RAPGEF3: variants seen among roughly 807,000 people sequenced by gnomAD.
RAPGEF3 encodes the protein 9330170P05Rik.
A neutral mutation model predicts 129.8 loss-of-function variants in RAPGEF3; 103 were observed. The ratio of observed to expected loss-of-function variants is 0.79; its 90% CI spans 0.68 to 0.93. The LOEUF (loss-of-function observed/expected upper bound fraction) is 0.93. Among genes scored for constraint, RAPGEF3 ranks in the 40% least tolerant of loss-of-function variants. The probability of loss-of-function intolerance (pLI) is 0.00; values close to 1 mark genes in which losing one functional copy is unlikely to be tolerated. For missense variants in RAPGEF3, 1,117 were observed against 1,207.4 expected (o/e 0.93, Z 1.11); for synonymous variants, 436 against 482.6 (o/e 0.90, Z 1.26).
chr12:47,749,704 A>G lies in RAPGEF3; in HGVS notation c.894+37T>C. 6.2e-7 allele frequency: 1 copy of G among 1,611,936 alleles called. No individual in the cohort carries two copies. The highest frequency in any genetic ancestry group is 8.5e-7 in the Non-Finnish European group (1 of 1,178,302). On this transcript the variant is annotated intron_variant, in intron 9 of 27. Coordinates refer to ENST00000449771, the MANE Select transcript of RAPGEF3 (RefSeq NM_001098531.4). The surrounding 1 kb of genome is among the most constrained non-coding windows in gnomAD (Gnocchi z 4.5). ...GGACATGGACCAGGGAGCAGTTAGG[A>G]CCCAGGGCACTGGGGTGGGGAGGAG... is the stretch of plus-strand genomic sequence containing the variant.
rs772626576 is a variant in RAPGEF3 at position 47,744,050 on chromosome 12, A to C, written c.1615T>G (p.Trp539Gly). 6.2e-7 allele frequency: 1 copy of C among 1,608,878 alleles called. No homozygotes were observed. Among genetic ancestry groups the C allele is most frequent in the East Asian group, 2.2e-5 (1 of 44,834 alleles). ...AGGGGCTCGTCCTGGTTGGGGAGCCAAACAGGCAAGTTCCGGGCCTGGGAG... is the reference window on the plus strand; with the variant it reads ...AGGGGCTCGTCCTGGTTGGGGAGCCCAACAGGCAAGTTCCGGGCCTGGGAG... Reference protein sequence around the residue: ...PQMKARNLPVWLPNQDEPLPG... With the variant: ...PQMKARNLPVGLPNQDEPLPG... Residue 539 changes from tryptophan (W) to glycine (G), a missense_variant, in exon 17 of 28, where the codon TGG becomes GGG. By Grantham distance (184) the Trp-to-Gly change is radical. Transcript: ENST00000449771.
chr12:47,738,393 T>C (rs11168216), intron 25 of RAPGEF3, 146 bp from the exon 26 acceptor site: 314,514 of 1,107,920 alleles, frequency 0.28, 46,588 homozygotes, highest in Middle Eastern at 0.32. Flanking sequence ...GTACTTCGCC[T>C]CAGCACACCC....
At chr12:47,739,495 C>T in intron 23 of RAPGEF3, 1 of 663,752 alleles carries the variant, frequency 1.5e-6, no homozygotes. Context: ...CTCTCTGTCC[C>T]TTTCTATCCC....
intron 11 of RAPGEF3, 130 bp from the exon 12 acceptor site, chr12:47,748,672 G>A: frequency 9.7e-7 from 1 of 1,032,726 alleles, no homozygotes; most frequent in Admixed American, 1.9e-5. Context: ...GCAGGGAGGA[G>A]ACTGGCTCAG....
chr12:47,753,630 G>A (rs1377643092), intron 2 of RAPGEF3, among the ~76,000 whole-genome samples: 1 of 152,272 alleles, frequency 6.6e-6, no homozygotes, highest in African/African-American at 2.4e-5. Context: ...CAGGAAATGA[G>A]AAGGAGGAGG....
Position 47,738,239 on chromosome 12 carries a change from C to T in RAPGEF3, c.2535G>A (p.Met845Ile), listed in dbSNP as rs1004952252. 6.2e-7 allele frequency: 1 copy of T among 1,613,416 alleles called. No individual in the cohort carries two copies. Among genetic ancestry groups the T allele is most frequent in the Non-Finnish European group, 8.5e-7 (1 of 1,180,002 alleles). Residue 845 changes from methionine to isoleucine, a missense_variant, in exon 26 of 28, where the codon ATG (methionine) becomes ATA (isoleucine). By Grantham distance (10) the Met-to-Ile change is conservative (BLOSUM62 1). Around this residue, in one of 3 missense-constraint regions of RAPGEF3, gnomAD observed 643 missense variants for 673.4 expected, o/e 0.95. Coordinates refer to ENST00000449771, the MANE Select transcript of RAPGEF3 (RefSeq NM_001098531.4). ...NLINFEKMRM[M>I]ARAARMLHHC... is the part of the protein sequence containing the mutation. ...GGTGCAGCATCCGCGCGGCTCTGGC[C>T]ATCATTCTCTGCGGACAACACCGGG...
chr12:47,737,357 C>G lies in RAPGEF3; in HGVS notation c.*210G>C, dbSNP rs998237422. On this transcript the variant is annotated 3_prime_UTR_variant, in exon 28 of 28. Coordinates refer to ENST00000449771, the MANE Select transcript of RAPGEF3 (RefSeq NM_001098531.4). ...CTCCCTTCCTTGGCCTTGGGTCATT[C>G]GTTATTCCTGGCTCGGGTCCACTCC... The G allele has an allele frequency of 6.4e-5, 37 of 578,612 alleles. No homozygotes were observed. The highest frequency in any genetic ancestry group is 9.2e-6 in the Non-Finnish European group (3 of 324,846). 35.8% of individuals were successfully genotyped at this position (578,612 alleles called of 1,614,324 possible).
chr12:47,748,214 G>T, intron 12 of RAPGEF3, 62 bp from the exon 13 acceptor site: 1 of 1,344,056 alleles, frequency 7.4e-7, no homozygotes. Flanking sequence ...GAGCACAGGT[G>T]TATGGACAGC....
Position 47,738,489 on chromosome 12 carries a change from G to A in RAPGEF3, c.2526+201C>T, listed in dbSNP as rs138983555. Reference sequence around the variant, plus strand: ...AGAGAAGAGGGCTGGAAGGGCTCTCGTTGAATGGTGAGACGTCTGAGGCTG... The same window carrying A: ...AGAGAAGAGGGCTGGAAGGGCTCTCATTGAATGGTGAGACGTCTGAGGCTG... On this transcript the variant is annotated intron_variant, in intron 25 of 27. Coordinates refer to ENST00000449771, the MANE Select transcript of RAPGEF3 (RefSeq NM_001098531.4). Among the ~76,000 whole-genome samples the A allele has an allele frequency of 7.4e-4, 113 of 152,310 alleles. 1 individual carries two copies. Among genetic ancestry groups the A allele is most frequent in the East Asian group, 3.5e-3 (18 of 5,188 alleles).
intron 13 of RAPGEF3, 88 bp downstream of exon 13, chr12:47,747,986 C>T: frequency 1.9e-6 from 3 of 1,564,614 alleles, no homozygotes; most frequent in Non-Finnish European, 2.6e-6. Context: ...TTAAAGGGCT[C>T]AGCACAGCCA....
In RAPGEF3 at chr12:47,744,297, G is replaced by A. The variant is rs143943226; in HGVS notation, c.1597-229C>T. The A allele has an allele frequency of 2.9e-4, 163 of 559,026 alleles. 1 individual carries two copies. In the East Asian group the frequency reaches 3.2e-3, roughly 11 times the overall value. 34.6% of individuals were successfully genotyped at this position (559,026 alleles called of 1,614,324 possible). Reference sequence around the variant, plus strand: ...GGGCGGGGCAAATCCATGCCCCTCCGTGTGTGTGTGCTTCTGCATCTGCCA... The same window carrying A: ...GGGCGGGGCAAATCCATGCCCCTCCATGTGTGTGTGCTTCTGCATCTGCCA... On this transcript the variant is annotated intron_variant, in intron 16 of 27. Coordinates refer to ENST00000449771, the MANE Select transcript of RAPGEF3 (RefSeq NM_001098531.4).
In RAPGEF3 at chr12:47,749,448, C is replaced by T. The variant is rs1328917954; in HGVS notation, c.983G>A (p.Arg328Gln). The T allele has an allele frequency of 1.9e-6, 3 of 1,613,372 alleles. No individual in the cohort carries two copies. Among genetic ancestry groups the T allele is most frequent in the East Asian group, 2.2e-5 (1 of 44,888 alleles). ...ACGCAGGAAATGACAGTTGTCTTCT[C>T]GCAGGATGATGGTGGCTGCCCGGGG... The part of the protein sequence containing the change: ...DAPRAATIIL[R>Q]EDNCHFLRVD... The change falls in exon 10 of 28, where the codon CGA becomes CAA. Residue 328 changes from arginine to glutamine, a missense_variant. Arg to Gln is a conservative substitution (Grantham distance 43). Coordinates refer to ENST00000449771, the MANE Select transcript of RAPGEF3 (RefSeq NM_001098531.4). This position sits in a 1 kb window ranked among gnomAD's most constrained non-coding sequence, Gnocchi z 4.5.
At chr12:47,744,276 G>A (rs1035956552) in intron 16 of RAPGEF3, 35 of 586,342 alleles carry the variant, frequency 6.0e-5, no homozygotes, top group African/African-American at 5.4e-4. Flanking sequence ...GTCTAAGGGC[G>A]GGGCAAATCC....
At chr12:47,739,357 GC>G in intron 23 of RAPGEF3, 127 bp from the exon 24 acceptor site, 1 of 766,070 alleles carries the variant, frequency 1.3e-6, no homozygotes, top group Non-Finnish European at 2.3e-6. Flanking sequence ...CCTCTCCTCA[GC>G]CCCAGGTCTC....
In RAPGEF3 at chr12:47,740,707, C is replaced by G. The variant is rs139456299; in HGVS notation, c.2166G>C (p.Leu722=). Residue 722 remains leucine, a synonymous_variant, in exon 21 of 28, where the codon CTG becomes CTC. Coordinates refer to ENST00000449771, the MANE Select transcript of RAPGEF3 (RefSeq NM_001098531.4). ...NELQYWVATE[L]CLCPVPGPRA... is the part of the protein sequence containing the mutation. ...GGGGGCCGGGCACGGGGCAGAGACA[C>G]AGCTCGGTGGCCACCCAGTACTGCA... 1.2e-6 allele frequency: 2 copies of G among 1,613,976 alleles called. No individual in the cohort carries two copies. Among genetic ancestry groups the G allele is most frequent in the Non-Finnish European group, 1.7e-6 (2 of 1,179,992 alleles).
intron 12 of RAPGEF3, 139 bp from the exon 13 acceptor site, chr12:47,748,291 G>C: frequency 1.0e-6 from 1 of 954,426 alleles, no homozygotes; most frequent in Non-Finnish European, 1.6e-6. Context: ...CTGTGATAGT[G>C]CTCCCCACTA....
Position 47,740,317 on chromosome 12 carries a change from G to A in RAPGEF3, c.2310C>T (p.Ala770=). The change falls in exon 22 of 28, where the codon GCC becomes GCT. Residue 770 remains alanine, a synonymous_variant. Transcript: ENST00000449771. ...GLSNSAISRL[A]HTWERLPHKV... is the part of the protein sequence containing the mutation. The stretch of plus-strand genomic sequence containing the variant: ...AGACCACACTTACCTCCCAGGTGTG[G>A]GCTAGGCGGCTGATGGCCGAGTTGC... The A allele has an allele frequency of 1.2e-6, 2 of 1,614,096 alleles. No individual in the cohort carries two copies. Among genetic ancestry groups the A allele is most frequent in the Non-Finnish European group, 1.7e-6 (2 of 1,179,978 alleles).
intron 18 of RAPGEF3, chr12:47,742,156 A>G (rs1941203728): frequency 6.6e-6 from 1 of 152,158 alleles, no homozygotes; most frequent in Admixed American, 6.5e-5. Flanking sequence ...TACTTTTTCT[A>G]CCTGCTTTGC....
intron 7 of RAPGEF3, 44 bp downstream of exon 7, chr12:47,750,297 G>A (rs1941669002): frequency 1.3e-6 from 2 of 1,561,460 alleles, no homozygotes; most frequent in Non-Finnish European, 1.8e-6. Flanking sequence ...CACAGGAAGA[G>A]AAGATGCCTG....
Sources: gnomAD v4.1 joint callset for allele counts (sites outside exome capture counted in the v4.1 genomes callset) on GRCh38, gnomAD v4.1.1 for gene constraint, gnomAD v4.1.1 regional missense constraint, Gnocchi (gnomAD v3.1) non-coding constraint, MANE v1.5 for transcripts, NCBI Gene and HGNC (gene_info 2026-07-23, HGNC 2026-07-21) for gene names.